The following CDC26 variants were observed in gnomAD, a reference collection of about 807,000 sequenced individuals.
The protein encoded by CDC26 is cell division cycle 26.
CDC26 carries 2 observed loss-of-function variants against 8.0 expected under a neutral mutation model. The ratio of observed to expected loss-of-function variants is 0.25; its 90% CI spans 0.10 to 0.79. The LOEUF (loss-of-function observed/expected upper bound fraction) is 0.79. Ranked by LOEUF, CDC26 falls within the 30% of genes least tolerant of loss-of-function variation. The pLI, the probability that CDC26 is intolerant of heterozygous loss-of-function variation, is 0.70. For missense variants in CDC26, 68 were observed against 106.0 expected (o/e 0.64, Z 1.57); for synonymous variants, 19 against 34.9 (o/e 0.55, Z 1.60).
At chr9:113,269,043 C>T (rs1043340790) in intron 3 of CDC26, among the ~76,000 whole-genome samples, 9 of 152,148 alleles carry the variant, frequency 5.9e-5, no homozygotes, top group Middle Eastern at 3.4e-3. Context: ...CATGAGCCAC[C>T]GCACCCGGCC....
chr9:113,272,302 C>A, intron 3 of CDC26, 125 bp downstream of exon 3: 1 of 712,850 alleles, frequency 1.4e-6, no homozygotes, highest in Non-Finnish European at 2.5e-6. Context: ...ACCTGTGGTC[C>A]CAGCACGCGG....
intron 3 of CDC26, among the ~76,000 whole-genome samples, chr9:113,269,073 T>G (rs1831911127): frequency 6.6e-6 from 1 of 152,034 alleles, no homozygotes; most frequent in South Asian, 2.1e-4. Context: ...ATTTAAAAAT[T>G]AGCCAGGCAT....
chr9:113,267,888 G>A (rs1334323180), intron 3 of CDC26, among the ~76,000 whole-genome samples: 1 of 152,204 alleles, frequency 6.6e-6, no homozygotes, highest in African/African-American at 2.4e-5. Flanking sequence ...TTGGGAGGCT[G>A]AGGCAGGAGA....
intron 3 of CDC26, among the ~76,000 whole-genome samples, chr9:113,270,407 G>A (rs1363869853): frequency 6.6e-6 from 1 of 152,068 alleles, no homozygotes; most frequent in African/African-American, 2.4e-5. Context: ...TGAACTAGAT[G>A]GTAAGAACTC....
At chr9:113,274,909 GGATAAAAACCTTATCCTGTTCGTCTCTA>G (rs1480813131) in intron 1 of CDC26, among the ~76,000 whole-genome samples, 1 of 152,104 alleles carries the variant, frequency 6.6e-6, no homozygotes, top group Non-Finnish European at 1.5e-5. Flanking sequence ...GCCCATGTGG[GGATAAAAACCTTATCCTGTTCGTCTCTA>G]ATGCCCCAGC....
At position 113,275,533 on chromosome 9, in the gene CDC26, G is replaced by A. The variant is rs903610985; in HGVS notation, c.-303C>T. ...CGCGAGCTTTTCCTGGAGGTTCTAG[G>A]AGGGATGCCCCTCAATGCCACGACG... is the stretch of plus-strand genomic sequence containing the variant. On this transcript the variant is annotated 5_prime_UTR_variant, in exon 1 of 4. Transcript: ENST00000374206. The A allele has an allele frequency of 1.3e-4, 72 of 541,290 alleles. No individual in the cohort carries two copies. Among genetic ancestry groups the A allele is most frequent in the Admixed American group, 3.1e-4 (9 of 28,822 alleles). 33.5% of individuals were successfully genotyped at this position (541,290 alleles called of 1,614,324 possible). A position where few individuals can be genotyped will look rare whatever the true frequency, so the allele number is the denominator to read the frequency against.
chr9:113,271,341 A>C (rs1317090112), intron 3 of CDC26, among the ~76,000 whole-genome samples: 1 of 152,218 alleles, frequency 6.6e-6, no homozygotes, highest in Non-Finnish European at 1.5e-5. Context: ...TTATATGGGA[A>C]AAGGGCCTTT....
Position 113,267,237 on chromosome 9 carries a change from G to A in CDC26, c.*26C>T, listed in dbSNP as rs41312216. 0.016 allele frequency: 22,070 copies of A among 1,377,778 alleles called. 221 individuals carry two copies. The highest frequency in any genetic ancestry group is 0.019 in the Non-Finnish European group (19,378 of 1,014,070). The allele number at this position is 1,377,778 out of a possible 1,614,324, so 85.3% of individuals were successfully genotyped here. On this transcript the variant is annotated 3_prime_UTR_variant, in exon 4 of 4. Transcript: ENST00000374206. Reference sequence around the variant, plus strand: ...TGCCATCATTTTATTCCATTCCAGCGCTCTGGCATGCAAGATAATCCATCT... The same window carrying A: ...TGCCATCATTTTATTCCATTCCAGCACTCTGGCATGCAAGATAATCCATCT...
At chr9:113,272,367 C>A (rs1831972305) in intron 3 of CDC26, 60 bp downstream of exon 3, 2 of 1,323,452 alleles carry the variant, frequency 1.5e-6, no homozygotes, top group Admixed American at 1.7e-5. Flanking sequence ...TGCCACTGTA[C>A]TCCAGCCTGT....
chr9:113,274,278 G>A (rs1381865478), intron 1 of CDC26, among the ~76,000 whole-genome samples: 2 of 152,098 alleles, frequency 1.3e-5, no homozygotes, highest in African/African-American at 4.8e-5. Context: ...TTGAAAGTAT[G>A]TACAGATACA....
At chr9:113,272,666 G>A in intron 2 of CDC26, 118 bp from the exon 3 acceptor site, 5 of 447,038 alleles carry the variant, frequency 1.1e-5, no homozygotes, top group South Asian at 2.4e-5. Flanking sequence ...AAATTTATTT[G>A]AATTTACACA....
Position 113,267,408 on chromosome 9 carries a change from A to G in CDC26, c.113T>C (p.Val38Ala), listed in dbSNP as rs1831880635. ...TCCTTCTCCATCACTGCCTCCTACA[A>G]CTTCCACATCTTCCTTCTGTTTCTT... ...TRKKQKEDVE[V>A]VGGSDGEGAI... The change falls in exon 4 of 4, where the codon GTT (valine) becomes GCT (alanine). Residue 38 changes from valine (V) to alanine (A), a missense_variant. Physicochemically the swap from Val to Ala is moderately conservative, Grantham distance 64. Coordinates refer to ENST00000374206, the MANE Select transcript of CDC26 (RefSeq NM_139286.4). The G allele has an allele frequency of 1.9e-6, 3 of 1,595,882 alleles. No homozygotes were observed. The highest frequency in any genetic ancestry group is 1.4e-5 in the African/African-American group (1 of 73,622).
chr9:113,273,821 CAAAAAAAAAAAAA>C lies in CDC26; in HGVS notation c.-151-396_-151-384del, dbSNP rs149642304. Among the ~76,000 whole-genome samples, 138 of 53,280 alleles carry C rather than the reference CAAAAAAAAAAAAA, an allele frequency of 2.6e-3. 3 individuals are homozygous for C. In the East Asian group the frequency reaches 0.079, roughly 30 times the overall value. 35.0% of individuals were successfully genotyped at this position (53,280 alleles called of 152,430 possible). A position where few individuals can be genotyped will look rare whatever the true frequency, so the allele number is the denominator to read the frequency against. On this transcript the variant is annotated intron_variant, in intron 1 of 3. Transcript: ENST00000374206. ...ATGACCTCACCATGAGACCCCAACTCAAAAAAAAAAAAAAAAAAAAAAAAAGGCTCAAGAGAGC... is the reference window on the plus strand; with the variant it reads ...ATGACCTCACCATGAGACCCCAACTCAAAAAAAAAAAAGGCTCAAGAGAGC...
chr9:113,271,011 T>TA (rs1041736025), intron 3 of CDC26, among the ~76,000 whole-genome samples: 60 of 152,280 alleles, frequency 3.9e-4, no homozygotes, highest in African/African-American at 1.3e-3. Flanking sequence ...GACGGTTACT[T>TA]AGCGCAGGAC....
intron 1 of CDC26, among the ~76,000 whole-genome samples, chr9:113,275,035 A>C (rs147024178): frequency 1.3e-5 from 2 of 152,242 alleles, no homozygotes; most frequent in Non-Finnish European, 2.9e-5. Flanking sequence ...ACCAGGCTGA[A>C]GACAAATCAA....
chr9:113,271,379 A>T (rs1831953653), intron 3 of CDC26, among the ~76,000 whole-genome samples: 1 of 152,144 alleles, frequency 6.6e-6, no homozygotes, highest in African/African-American at 2.4e-5. Flanking sequence ...AAGGATCTTG[A>T]GAAGGGGGGA....
intron 3 of CDC26, among the ~76,000 whole-genome samples, chr9:113,267,683 T>C (rs569521349): frequency 2.6e-5 from 4 of 152,056 alleles, no homozygotes; most frequent in Admixed American, 1.3e-4. Context: ...TGAAACCCTA[T>C]CTCTACTAAA....
intron 1 of CDC26, among the ~76,000 whole-genome samples, chr9:113,274,167 G>C (rs1832013265): frequency 6.6e-6 from 1 of 152,106 alleles, no homozygotes; most frequent in South Asian, 2.1e-4. Context: ...AGAAGTCATC[G>C]AAGCAAGCTG....
At chr9:113,269,851 A>C (rs1831926677) in intron 3 of CDC26, among the ~76,000 whole-genome samples, 1 of 152,258 alleles carries the variant, frequency 6.6e-6, no homozygotes, top group Non-Finnish European at 1.5e-5. Flanking sequence ...TACAATACAT[A>C]ATAAAGCTGT....
Sources: gnomAD v4.1 joint callset for allele counts (sites outside exome capture counted in the v4.1 genomes callset) on GRCh38, gnomAD v4.1.1 for gene constraint, MANE v1.5 for transcripts, NCBI Gene and HGNC (gene_info 2026-07-23, HGNC 2026-07-21) for gene names.